RAP1GAP2: variants seen among roughly 807,000 people sequenced by gnomAD.
The protein encoded by RAP1GAP2 is rap1 GTPase-activating protein 2.
Under a neutral mutation model 95.0 loss-of-function variants are expected in RAP1GAP2, and 27 were observed. The ratio of observed to expected loss-of-function variants is 0.28; its 90% CI spans 0.21 to 0.39. The LOEUF (loss-of-function observed/expected upper bound fraction) is 0.39, where lower values mean the gene tolerates loss of function less well. Ranked by LOEUF, RAP1GAP2 falls within the 10% of genes least tolerant of loss-of-function variation. The probability of loss-of-function intolerance (pLI) is 1.00; values close to 1 mark genes in which losing one functional copy is unlikely to be tolerated. For synonymous variants in RAP1GAP2, 373 were observed against 380.9 expected, an observed-to-expected ratio of 0.98 and a Z score of 0.24; for missense variants, 771 against 970.0, an observed-to-expected ratio of 0.79 and a Z score of 2.72.
intron 3 of RAP1GAP2, among the ~76,000 whole-genome samples, chr17:2,909,641 A>G (rs2042307514): frequency 6.6e-6 from 1 of 152,158 alleles, no homozygotes; most frequent in Admixed American, 6.5e-5. Context: ...GCAGGCCCGG[A>G]GCAGAGCAGC....
intron 2 of RAP1GAP2, among the ~76,000 whole-genome samples, chr17:2,806,461 C>A (rs866763085): frequency 6.6e-6 from 1 of 150,648 alleles, no homozygotes; most frequent in East Asian, 2.0e-4. Context: ...GGTGAAATTT[C>A]GGCTCACTGC....
chr17:2,790,110 C>T (rs1597312086), intron 1 of RAP1GAP2, among the ~76,000 whole-genome samples: 1 of 144,756 alleles, frequency 6.9e-6, no homozygotes. Context: ...CTCCATCATC[C>T]TTTTTTTTTT....
intron 2 of RAP1GAP2, among the ~76,000 whole-genome samples, chr17:2,859,064 A>G (rs536573183): frequency 1.1e-3 from 164 of 150,308 alleles, no homozygotes; most frequent in African/African-American, 3.4e-3. Context: ...AAACAATACT[A>G]TGTGATGGGT....
intron 8 of RAP1GAP2, among the ~76,000 whole-genome samples, chr17:2,979,757 C>G (rs1322646778): frequency 1.3e-5 from 2 of 151,820 alleles, no homozygotes; most frequent in Non-Finnish European, 1.5e-5. Context: ...GAGCCACTGC[C>G]CCCAGCCAGG....
chr17:2,933,531 T>C (rs940294573), intron 3 of RAP1GAP2, among the ~76,000 whole-genome samples: 1 of 152,202 alleles, frequency 6.6e-6, no homozygotes, highest in Non-Finnish European at 1.5e-5. Flanking sequence ...TCTGTCAGCC[T>C]GGGGGGCTCT....
chr17:2,779,493 T>C (rs2151444280), intron 1 of RAP1GAP2, among the ~76,000 whole-genome samples: 1 of 152,264 alleles, frequency 6.6e-6, no homozygotes, highest in African/African-American at 2.4e-5. Flanking sequence ...TCAGTTCCTC[T>C]AGGGCTGTGG....
chr17:2,811,522 C>A (rs531608746), intron 2 of RAP1GAP2, among the ~76,000 whole-genome samples: 28 of 152,302 alleles, frequency 1.8e-4, no homozygotes, highest in Admixed American at 4.6e-4. Flanking sequence ...CCTGTCTTAG[C>A]GGATCTTCCA....
At chr17:2,970,625 T>A (rs2044826813) in intron 8 of RAP1GAP2, among the ~76,000 whole-genome samples, 1 of 152,248 alleles carries the variant, frequency 6.6e-6, no homozygotes. Flanking sequence ...AAATTTATAA[T>A]CTTAATATGA....
chr17:3,017,047 A>G (rs1384719520), intron 17 of RAP1GAP2, among the ~76,000 whole-genome samples: 1 of 152,038 alleles, frequency 6.6e-6, no homozygotes, highest in East Asian at 1.9e-4. Flanking sequence ...AGCCAGAGAG[A>G]GCATCATCCA....
chr17:2,852,699 C>T (rs968359563), intron 2 of RAP1GAP2, among the ~76,000 whole-genome samples: 4 of 152,244 alleles, frequency 2.6e-5, no homozygotes, highest in Admixed American at 2.6e-4. Flanking sequence ...TCCTTTCAGC[C>T]CCCTGCCCAC....
At chr17:3,010,030 A>C in intron 17 of RAP1GAP2, among the ~76,000 whole-genome samples, 1 of 152,096 alleles carries the variant, frequency 6.6e-6, no homozygotes. Flanking sequence ...CCCTCAGTAA[A>C]TGTAATTTAT....
In RAP1GAP2 at chr17:3,011,537, C is replaced by T. The variant is rs140154131; in HGVS notation, c.1494+3392C>T. Among the ~76,000 whole-genome samples, 56 of 151,670 alleles carry T rather than the reference C, an allele frequency of 3.7e-4. No individual in the cohort carries two copies. The East Asian group carries it at 9.5e-3, about 26-fold the overall frequency. ...GAGTTCACCCACACCTTCCTGGGAT[C>T]GCTCTTGAAACAAGTGATACCTGAA... On this transcript the variant is annotated intron_variant, in intron 17 of 24. Coordinates refer to ENST00000254695, the MANE Select transcript of RAP1GAP2 (RefSeq NM_015085.5).
At position 2,974,395 on chromosome 17, in the gene RAP1GAP2, C is replaced by T. The variant is rs575963065; in HGVS notation, c.597-5892C>T. On this transcript the variant is annotated intron_variant, in intron 8 of 24. Coordinates refer to ENST00000254695, the MANE Select transcript of RAP1GAP2 (RefSeq NM_015085.5). ...TAACCCTCAACCTAAAATTCTATAC[C>T]TAGAAAAGCCAAAGACAAAATAAAA... Among the ~76,000 whole-genome samples, 549 of 151,648 alleles carry T rather than the reference C, an allele frequency of 3.6e-3. 6 individuals are homozygous for T. Among genetic ancestry groups the T allele is most frequent in the African/African-American group, 0.013 (526 of 41,372 alleles).
intron 2 of RAP1GAP2, among the ~76,000 whole-genome samples, chr17:2,837,827 C>T (rs976535500): frequency 2.0e-5 from 3 of 151,548 alleles, no homozygotes; most frequent in Admixed American, 2.0e-4. Context: ...AGGATGGTCT[C>T]GATCCCCTGA....
At chr17:2,803,842 A>G (rs2069402675) in intron 2 of RAP1GAP2, among the ~76,000 whole-genome samples, 1 of 152,194 alleles carries the variant, frequency 6.6e-6, no homozygotes, top group African/African-American at 2.4e-5. Flanking sequence ...TCACACCATT[A>G]CACTACAGCC....
Position 3,004,458 on chromosome 17 carries a change from T to A in RAP1GAP2, c.1201-911T>A, listed in dbSNP as rs960376374. ...GCAGCACGCCAGGGCTGGGCTCACG[T>A]CAGCGGCTGTGTAGGGAAGGGAGGG... On this transcript the variant is annotated intron_variant, in intron 14 of 24. Coordinates refer to ENST00000254695, the MANE Select transcript of RAP1GAP2 (RefSeq NM_015085.5). The surrounding 1 kb of genome is among the most constrained non-coding windows in gnomAD (Gnocchi z 4.1). 2.6e-5 allele frequency among the ~76,000 whole-genome samples: 4 copies of A among 152,174 alleles called. No individual in the cohort carries two copies. Among genetic ancestry groups the A allele is most frequent in the Non-Finnish European group, 5.9e-5 (4 of 68,024 alleles).
At chr17:2,977,709 C>T (rs563630447) in intron 8 of RAP1GAP2, among the ~76,000 whole-genome samples, 12 of 147,632 alleles carry the variant, frequency 8.1e-5, no homozygotes, top group African/African-American at 2.8e-4. Flanking sequence ...TGTACCACCG[C>T]ACTCCAGCCT....
chr17:2,834,737 T>C (rs561155601), intron 2 of RAP1GAP2, among the ~76,000 whole-genome samples: 1 of 152,042 alleles, frequency 6.6e-6, no homozygotes, highest in African/African-American at 2.4e-5. Flanking sequence ...GTTGAGGCTG[T>C]AGGGAGCTGT....
intron 2 of RAP1GAP2, among the ~76,000 whole-genome samples, chr17:2,801,965 A>G (rs960283506): frequency 2.0e-5 from 3 of 152,070 alleles, no homozygotes; most frequent in African/African-American, 7.2e-5. Context: ...CACCCCTCCC[A>G]TGAGGCAATG....
Sources: allele counts gnomAD v4.1 joint callset (sites outside exome capture counted in the v4.1 genomes callset), GRCh38; gene constraint gnomAD v4.1.1; non-coding constraint Gnocchi (gnomAD v3.1); transcripts MANE v1.5; gene names NCBI Gene and HGNC (gene_info 2026-07-23, HGNC 2026-07-21).